PDE4B: variants seen among roughly 807,000 people sequenced by gnomAD.
PDE4B encodes 3',5'-cyclic-AMP phosphodiesterase 4B.
Under a neutral mutation model 82.2 loss-of-function variants are expected in PDE4B, and 20 were observed. The observed-to-expected ratio is 0.24, with a 90% CI of 0.17 to 0.35. The LOEUF is 0.35. PDE4B is among the 10% of genes least tolerant of loss of function. PDE4B has a pLI of 1.00. For synonymous variants in PDE4B, 320 were observed against 318.9 expected (o/e 1.00, Z -0.04); for missense variants, 655 against 907.2 (o/e 0.72, Z 3.57).
At chr1:66,242,270 A>G (rs4376710) in intron 3 of PDE4B, among the ~76,000 whole-genome samples, 28,756 of 152,142 alleles carry the variant, frequency 0.19, 5,410 homozygotes, top group African/African-American at 0.47. Context: ...CTTTGAAATG[A>G]GGCAAAAAGA....
At chr1:66,282,546 A>C (rs1442384960) in intron 7 of PDE4B, among the ~76,000 whole-genome samples, 1 of 152,184 alleles carries the variant, frequency 6.6e-6, no homozygotes, top group East Asian at 1.9e-4. Flanking sequence ...TGGCTCTGGA[A>C]AGTCCCATTT....
intron 3 of PDE4B, among the ~76,000 whole-genome samples, chr1:66,139,749 A>AC (rs896812158): frequency 1.3e-5 from 2 of 149,572 alleles, no homozygotes; most frequent in Admixed American, 6.7e-5. Context: ...AAAAAAAAAA[A>AC]AAACAAAAAA....
At chr1:66,103,637 A>G (rs1246237361) in intron 3 of PDE4B, among the ~76,000 whole-genome samples, 1 of 152,130 alleles carries the variant, frequency 6.6e-6, no homozygotes, top group Non-Finnish European at 1.5e-5. Flanking sequence ...GTAAAAAAGA[A>G]AGCAAATAAA....
At chr1:65,937,281 C>T (rs1258404253) in intron 3 of PDE4B, among the ~76,000 whole-genome samples, 2 of 152,156 alleles carry the variant, frequency 1.3e-5, no homozygotes, top group African/African-American at 4.8e-5. Flanking sequence ...GTGGCGATTT[C>T]CCTGCCTCTG....
At chr1:66,154,661 G>GTGGC (rs1476936799) in intron 3 of PDE4B, among the ~76,000 whole-genome samples, 1 of 152,162 alleles carries the variant, frequency 6.6e-6, no homozygotes, top group African/African-American at 2.4e-5. Context: ...AAGTGGAAAG[G>GTGGC]TGGCTACACA....
intron 3 of PDE4B, among the ~76,000 whole-genome samples, chr1:66,186,316 G>A (rs570613360): frequency 2.6e-5 from 4 of 152,216 alleles, no homozygotes; most frequent in East Asian, 3.9e-4. Context: ...TTGGTGATGC[G>A]GGCCCTTTTT....
chr1:65,840,739 T>C (rs761482500), intron 1 of PDE4B, among the ~76,000 whole-genome samples: 1 of 152,166 alleles, frequency 6.6e-6, no homozygotes, highest in Non-Finnish European at 1.5e-5. Context: ...TCAGATGAAG[T>C]GGCTATCTTT....
intron 12 of PDE4B, among the ~76,000 whole-genome samples, chr1:66,364,348 A>G (rs1185322217): frequency 2.0e-5 from 3 of 152,180 alleles, no homozygotes; most frequent in African/African-American, 7.2e-5. Context: ...GAGAAACAAT[A>G]TTCATATTTG....
intron 1 of PDE4B, among the ~76,000 whole-genome samples, chr1:65,900,761 T>C (rs1272777724): frequency 3.3e-5 from 5 of 152,096 alleles, no homozygotes; most frequent in Non-Finnish European, 5.9e-5. Context: ...TCAGATTGAA[T>C]GTTATTGGTG....
chr1:66,020,727 T>A (rs1653053639), intron 3 of PDE4B, among the ~76,000 whole-genome samples: 1 of 152,256 alleles, frequency 6.6e-6, no homozygotes, highest in Admixed American at 6.5e-5. Flanking sequence ...GATGGACATT[T>A]GGGTTGGTTC....
At chr1:66,171,128 T>A (rs1455783313) in intron 3 of PDE4B, among the ~76,000 whole-genome samples, 1 of 152,198 alleles carries the variant, frequency 6.6e-6, no homozygotes, top group Non-Finnish European at 1.5e-5. Flanking sequence ...ACATAATTAA[T>A]TCTCATAAAT....
At chr1:65,821,139 A>G (rs1645947258) in intron 1 of PDE4B, among the ~76,000 whole-genome samples, 1 of 152,226 alleles carries the variant, frequency 6.6e-6, no homozygotes, top group Admixed American at 6.5e-5. Flanking sequence ...GTCTCTAATG[A>G]TGACTCCAGC....
intron 1 of PDE4B, among the ~76,000 whole-genome samples, chr1:65,819,816 T>C (rs1645932531): frequency 6.6e-6 from 1 of 152,112 alleles, no homozygotes; most frequent in Non-Finnish European, 1.5e-5. Context: ...TTTATAATTG[T>C]TCTGTAAAGG....
At position 65,793,130 on chromosome 1, in the gene PDE4B, C is replaced by G. The variant is rs188782527; in HGVS notation, c.-189C>G. On this transcript the variant is annotated 5_prime_UTR_variant, in exon 1 of 17. Coordinates refer to ENST00000341517, the MANE Select transcript of PDE4B (RefSeq NM_002600.4). ...CCCCCGGGAGCGCGGAAGGCTCACT[C>G]GCAGCGCATGGTCTACCCGCGCCGG... 1.3e-5 allele frequency: 2 copies of G among 152,126 alleles called. No individual in the cohort carries two copies. Among genetic ancestry groups the G allele is most frequent in the Non-Finnish European group, 2.9e-5 (2 of 68,072 alleles). The allele number at this position is 152,126 out of a possible 1,614,324, so 9.4% of individuals were successfully genotyped here.
intron 7 of PDE4B, among the ~76,000 whole-genome samples, chr1:66,308,961 A>G: frequency 6.6e-6 from 1 of 152,316 alleles, no homozygotes; most frequent in East Asian, 1.9e-4. Context: ...TAGAAAAAAG[A>G]AGGTTCAAAA....
chr1:66,040,052 A>G (rs943121042), intron 3 of PDE4B, among the ~76,000 whole-genome samples: 2 of 152,036 alleles, frequency 1.3e-5, no homozygotes, highest in African/African-American at 4.8e-5. Flanking sequence ...TGGAACCTTC[A>G]TGATGGAGGA....
intron 3 of PDE4B, among the ~76,000 whole-genome samples, chr1:66,073,461 T>C (rs1041204666): frequency 6.6e-6 from 1 of 152,080 alleles, no homozygotes; most frequent in Non-Finnish European, 1.5e-5. Flanking sequence ...CACGTATGAC[T>C]ATAGAAGGGA....
chr1:66,228,585 C>T (rs1230042188), intron 3 of PDE4B, among the ~76,000 whole-genome samples: 2 of 150,716 alleles, frequency 1.3e-5, no homozygotes, highest in Non-Finnish European at 2.9e-5. Context: ...GCTGAGATCG[C>T]GCCACTGCAC....
At chr1:65,944,454 A>T (rs994156617) in intron 3 of PDE4B, among the ~76,000 whole-genome samples, 1 of 151,972 alleles carries the variant, frequency 6.6e-6, no homozygotes, top group Non-Finnish European at 1.5e-5. Flanking sequence ...CTTTGGTATC[A>T]GTTTAATGCT....
Sources: allele counts gnomAD v4.1 joint callset (sites outside exome capture counted in the v4.1 genomes callset), GRCh38; gene constraint gnomAD v4.1.1; transcripts MANE v1.5; gene names NCBI Gene and HGNC (gene_info 2026-07-23, HGNC 2026-07-21).